PDE6C: variants seen among roughly 807,000 people sequenced by gnomAD.
PDE6C encodes the protein cone cGMP-specific 3',5'-cyclic phosphodiesterase subunit alpha'.
Under a neutral mutation model 113.1 loss-of-function variants are expected in PDE6C, and 75 were observed. That is an observed-to-expected ratio of 0.66 (90% CI 0.55 to 0.80). PDE6C has a LOEUF of 0.80. Among genes scored for constraint, PDE6C ranks in the 30% least tolerant of loss-of-function variants. PDE6C has a pLI of 0.00. For synonymous variants in PDE6C, 375 were observed against 363.7 expected (o/e 1.03, Z -0.35); for missense variants, 912 against 1,038.6 (o/e 0.88, Z 1.67).
At chr10:93,619,107 A>G (rs553123724) in intron 1 of PDE6C, among the ~76,000 whole-genome samples, 10 of 152,328 alleles carry the variant, frequency 6.6e-5, no homozygotes, top group African/African-American at 2.4e-4. Context: ...GTGAGTGGCT[A>G]TTCTCTGAAA....
intron 10 of PDE6C, 66 bp downstream of exon 10, chr10:93,635,706 A>G: frequency 6.6e-7 from 1 of 1,518,898 alleles, no homozygotes; most frequent in East Asian, 2.3e-5. Flanking sequence ...GAAGTCATCT[A>G]ATTACCCAGG....
At chr10:93,633,852 T>C (rs2058515029) in intron 8 of PDE6C, among the ~76,000 whole-genome samples, 1 of 152,206 alleles carries the variant, frequency 6.6e-6, no homozygotes, top group Admixed American at 6.5e-5. Flanking sequence ...TAAGAAGCAC[T>C]TCCCATCACT....
At chr10:93,616,732 C>A (rs1258312086) in intron 1 of PDE6C, among the ~76,000 whole-genome samples, 1 of 147,040 alleles carries the variant, frequency 6.8e-6, no homozygotes, top group Non-Finnish European at 1.5e-5. Flanking sequence ...CGGCTCACTG[C>A]AACCTCTGCC....
intron 1 of PDE6C, among the ~76,000 whole-genome samples, chr10:93,613,863 T>C (rs1405173083): frequency 2.0e-5 from 3 of 152,210 alleles, no homozygotes; most frequent in African/African-American, 7.2e-5. Context: ...TGAATTCCAA[T>C]CAAGTAAGTG....
At chr10:93,654,807 T>TTTCTTTC in intron 15 of PDE6C, among the ~76,000 whole-genome samples, 1 of 83,432 alleles carries the variant, frequency 1.2e-5, no homozygotes, top group Admixed American at 1.5e-4. Context: ...TCTTTCTTTC[T>TTTCTTTC]TTCTTTTTTT....
intron 7 of PDE6C, 48 bp from the exon 8 acceptor site, chr10:93,629,210 G>A (rs1249601113): frequency 2.1e-6 from 3 of 1,398,792 alleles, no homozygotes; most frequent in Admixed American, 1.7e-5. Flanking sequence ...GATCAAGAGG[G>A]CTCCACTACA....
At chr10:93,622,665 G>GTTTTTTTTTTTTTTTTTTTTTTTTT (rs772786278) in intron 4 of PDE6C, among the ~76,000 whole-genome samples, 3 of 56,138 alleles carry the variant, frequency 5.3e-5, no homozygotes, top group African/African-American at 7.3e-5. Context: ...TTTTTTTGTT[G>GTTTTTTTTTTTTTTTTTTTTTTTTT]TTTTTTTTTT....
intron 10 of PDE6C, among the ~76,000 whole-genome samples, chr10:93,636,445 G>C (rs751477898): frequency 7.0e-6 from 1 of 143,266 alleles, no homozygotes; most frequent in Non-Finnish European, 1.5e-5. Context: ...TGAGCATGTT[G>C]GTTTTTGGTT....
chr10:93,657,931 G>A lies in PDE6C; in HGVS notation c.2037-970G>A, dbSNP rs1357867538. Reference sequence around the variant, plus strand: ...CATGCCTGTAATCTCAGCACTTTGGGAGGCCAAGGCAGGAGGATCACTTGA... The same window carrying A: ...CATGCCTGTAATCTCAGCACTTTGGAAGGCCAAGGCAGGAGGATCACTTGA... On this transcript the variant is annotated intron_variant, in intron 16 of 21. Coordinates refer to ENST00000371447, the MANE Select transcript of PDE6C (RefSeq NM_006204.4). Among the ~76,000 whole-genome samples the A allele has an allele frequency of 2.0e-5, 3 of 152,066 alleles. No homozygotes were observed. In the East Asian group the frequency reaches 5.8e-4, roughly 29 times the overall value.
intron 4 of PDE6C, among the ~76,000 whole-genome samples, chr10:93,622,622 A>C (rs1206431489): frequency 5.1e-5 from 7 of 136,574 alleles, no homozygotes; most frequent in Admixed American, 7.4e-5. Context: ...CCCCTTCCAA[A>C]CTCCTGGTAG....
chr10:93,658,931 T>A lies in PDE6C; in HGVS notation c.2067T>A (p.Asp689Glu), dbSNP rs1299735838. 3.7e-6 allele frequency: 6 copies of A among 1,612,324 alleles called. No homozygotes were observed. Among genetic ancestry groups the A allele is most frequent in the Non-Finnish European group, 4.2e-6 (5 of 1,178,630 alleles). Residue 689 changes from aspartate (D) to glutamate (E), a missense_variant, in exon 17 of 22, where the codon GAT becomes GAA. By Grantham distance (45) the Asp-to-Glu change is conservative. Transcript: ENST00000371447. ...KKRTMFQKIV[D>E]ACEQMQTEEE... ...GGACCATGTTTCAAAAAATTGTTGA[T>A]GCCTGTGAACAAATGCAAACGGAAG...
In PDE6C at chr10:93,659,089, T is replaced by C. The variant is rs372402025; in HGVS notation, c.2145-15T>C. On this transcript the variant is annotated splice_polypyrimidine_tract_variant and intron_variant, in intron 17 of 21. Transcript: ENST00000371447. ...TACTTATTTCTATTTTAAAATTTTT[T>C]GTTTTCTTCCTAAGGGCAATGATGA... is the stretch of plus-strand genomic sequence containing the variant. The C allele has an allele frequency of 2.5e-6, 4 of 1,606,052 alleles. No individual in the cohort carries two copies. The African/African-American group carries it at 4.0e-5, about 16-fold the overall frequency.
intron 15 of PDE6C, 46 bp downstream of exon 15, chr10:93,646,093 A>C (rs1431043299): frequency 1.8e-6 from 2 of 1,094,444 alleles, no homozygotes; most frequent in East Asian, 4.7e-5. Context: ...ATTCTGGATC[A>C]AAGCACTAAC....
intron 20 of PDE6C, 149 bp from the exon 21 acceptor site, chr10:93,662,879 T>A (rs2058672487): frequency 1.4e-6 from 1 of 733,646 alleles, no homozygotes; most frequent in Admixed American, 2.2e-5. Flanking sequence ...AGCACGTGTC[T>A]CTTTCCCAAA....
At chr10:93,648,593 T>C (rs2058595186) in intron 15 of PDE6C, among the ~76,000 whole-genome samples, 1 of 152,354 alleles carries the variant, frequency 6.6e-6, no homozygotes, top group African/African-American at 2.4e-5. Context: ...CATTTTGTTT[T>C]GCATATTATA....
chr10:93,636,394 G>A (rs1564800195), intron 10 of PDE6C, among the ~76,000 whole-genome samples: 1 of 148,060 alleles, frequency 6.8e-6, no homozygotes, highest in African/African-American at 2.6e-5. Flanking sequence ...GTGTGTGTGT[G>A]TGTGTGTGTG....
intron 8 of PDE6C, among the ~76,000 whole-genome samples, chr10:93,632,367 A>G (rs2058505823): frequency 6.6e-6 from 1 of 152,186 alleles, no homozygotes; most frequent in Non-Finnish European, 1.5e-5. Context: ...TGCCTGCCAT[A>G]GGGTTCCTCG....
intron 18 of PDE6C, among the ~76,000 whole-genome samples, chr10:93,660,692 C>A (rs914041331): frequency 6.6e-6 from 1 of 152,196 alleles, no homozygotes; most frequent in Non-Finnish European, 1.5e-5. Flanking sequence ...TCTCCTTCCA[C>A]CTCGACATGC....
intron 14 of PDE6C, among the ~76,000 whole-genome samples, chr10:93,643,655 T>C (rs2058569938): frequency 6.6e-6 from 1 of 151,472 alleles, no homozygotes; most frequent in Non-Finnish European, 1.5e-5. Flanking sequence ...CCTCCCAAGG[T>C]GCTGGGATTA....
Sources: allele counts gnomAD v4.1 joint callset (sites outside exome capture counted in the v4.1 genomes callset), GRCh38; gene constraint gnomAD v4.1.1; transcripts MANE v1.5; gene names NCBI Gene and HGNC (gene_info 2026-07-23, HGNC 2026-07-21).